The following DPP10 variants were observed in gnomAD, a reference collection of about 807,000 sequenced individuals.
DPP10 encodes the protein dipeptidyl peptidase like 10, also known as inactive dipeptidyl peptidase 10.
DPP10 carries 33 observed loss-of-function variants against 120.9 expected under a neutral mutation model. The ratio of observed to expected loss-of-function variants is 0.27; its 90% CI spans 0.21 to 0.37. The LOEUF (loss-of-function observed/expected upper bound fraction) is 0.37. Among genes scored for constraint, DPP10 ranks in the 10% least tolerant of loss-of-function variants. The pLI, the probability that DPP10 is intolerant of heterozygous loss-of-function variation, is 1.00. For synonymous variants in DPP10, 337 were observed against 326.1 expected (o/e 1.03, Z -0.36); for missense variants, 816 against 942.8 (o/e 0.87, Z 1.76).
In DPP10 at chr2:115,843,863, C is replaced by T. The variant is rs1323597128; in HGVS notation, c.*1518C>T. On this transcript the variant is annotated 3_prime_UTR_variant, in exon 26 of 26. Transcript: ENST00000410059. Reference sequence around the variant, plus strand: ...GCATTTTTGTGGTTTTAAAAAAGTCCTTAGGACAGACTGAATTATCATAAC... The same window carrying T: ...GCATTTTTGTGGTTTTAAAAAAGTCTTTAGGACAGACTGAATTATCATAAC... 1 of 152,512 alleles carries T rather than the reference C, an allele frequency of 6.6e-6. No homozygotes were observed. Among genetic ancestry groups the T allele is most frequent in the Admixed American group, 6.6e-5 (1 of 15,258 alleles). The allele number at this position is 152,512 out of a possible 1,614,324, so 9.4% of individuals were successfully genotyped here.
chr2:114,729,991 G>GA (rs1676735852), intron 1 of DPP10, among the ~76,000 whole-genome samples: 1 of 152,132 alleles, frequency 6.6e-6, no homozygotes, highest in Non-Finnish European at 1.5e-5. Context: ...GAAATCTTCA[G>GA]AAAAATAACT....
intron 1 of DPP10, among the ~76,000 whole-genome samples, chr2:114,847,915 A>G (rs909465334): frequency 6.6e-6 from 1 of 152,226 alleles, no homozygotes; most frequent in Non-Finnish European, 1.5e-5. Context: ...AATAATAACA[A>G]TAATGACATC....
At chr2:115,052,758 C>A (rs1405925755) in intron 1 of DPP10, among the ~76,000 whole-genome samples, 1 of 152,056 alleles carries the variant, frequency 6.6e-6, no homozygotes, top group Non-Finnish European at 1.5e-5. Context: ...TCGAGACCAG[C>A]CTAGCCAAAA....
intron 1 of DPP10, among the ~76,000 whole-genome samples, chr2:114,826,246 A>G (rs1010961231): frequency 6.6e-6 from 1 of 152,208 alleles, no homozygotes; most frequent in Non-Finnish European, 1.5e-5. Context: ...TTTCATAATT[A>G]TATATAATGG....
intron 5 of DPP10, among the ~76,000 whole-genome samples, chr2:115,592,251 C>T (rs770218469): frequency 6.6e-6 from 1 of 152,036 alleles, no homozygotes; most frequent in Admixed American, 6.6e-5. Flanking sequence ...TCAGAGCATG[C>T]CCCACAACAG....
chr2:115,300,808 CTAGTA>C (rs1178153142), intron 1 of DPP10, among the ~76,000 whole-genome samples: 2 of 151,946 alleles, frequency 1.3e-5, no homozygotes, highest in Non-Finnish European at 2.9e-5. Flanking sequence ...AAGTCTTTCT[CTAGTA>C]AATCTGAAGC....
chr2:115,598,476 T>C (rs1252770791), intron 5 of DPP10, among the ~76,000 whole-genome samples: 2 of 151,988 alleles, frequency 1.3e-5, no homozygotes, highest in African/African-American at 4.8e-5. Context: ...GGCTGTTCTA[T>C]GGCTTACAAT....
At chr2:115,576,917 A>G (rs1294953001) in intron 5 of DPP10, among the ~76,000 whole-genome samples, 1 of 152,230 alleles carries the variant, frequency 6.6e-6, no homozygotes, top group East Asian at 1.9e-4. Context: ...TAATAAATTT[A>G]GGGAAAGCAT....
chr2:115,370,975 G>T lies in DPP10; in HGVS notation c.271+27063G>T, dbSNP rs531510354. On this transcript the variant is annotated intron_variant, in intron 3 of 25. Coordinates refer to ENST00000410059, the MANE Select transcript of DPP10 (RefSeq NM_020868.6). ...AAAACAAAATAACTCCCATTTTTCT[G>T]CCCAAAGAGTTGTGAAGGCCTTTGT... Among the ~76,000 whole-genome samples the T allele has an allele frequency of 1.2e-4, 18 of 152,140 alleles. No homozygotes were observed. In the South Asian group the frequency reaches 3.7e-3, roughly 32 times the overall value.
chr2:115,206,581 C>A (rs2056148262), intron 1 of DPP10, among the ~76,000 whole-genome samples: 1 of 152,244 alleles, frequency 6.6e-6, no homozygotes, highest in African/African-American at 2.4e-5. Flanking sequence ...ATTTGTTCTA[C>A]AGAAGACATC....
chr2:114,630,266 G>A (rs370819237), intron 1 of DPP10, among the ~76,000 whole-genome samples: 3 of 152,180 alleles, frequency 2.0e-5, no homozygotes, highest in East Asian at 3.9e-4. Flanking sequence ...AAACTTACTG[G>A]TCGTGACCTC....
intron 1 of DPP10, among the ~76,000 whole-genome samples, chr2:114,453,067 G>C (rs1270327116): frequency 6.6e-6 from 1 of 152,142 alleles, no homozygotes; most frequent in Non-Finnish European, 1.5e-5. Flanking sequence ...GGTGACACAA[G>C]TAAATATTGG....
intron 1 of DPP10, among the ~76,000 whole-genome samples, chr2:114,743,456 T>C (rs1678265945): frequency 6.6e-6 from 1 of 151,316 alleles, no homozygotes; most frequent in Non-Finnish European, 1.5e-5. Flanking sequence ...GTTAAGAATA[T>C]GGATAAAGGC....
intron 1 of DPP10, among the ~76,000 whole-genome samples, chr2:114,663,279 C>T (rs954584368): frequency 5.6e-5 from 8 of 142,256 alleles, no homozygotes; most frequent in African/African-American, 2.0e-4. Context: ...TATACACACA[C>T]ATATATGTAT....
At chr2:115,413,930 G>C (rs866817540) in intron 3 of DPP10, among the ~76,000 whole-genome samples, 1 of 152,000 alleles carries the variant, frequency 6.6e-6, no homozygotes, top group African/African-American at 2.4e-5. Flanking sequence ...TTTTCCACTT[G>C]GTTTTCTCTG....
chr2:115,547,948 G>T lies in DPP10; in HGVS notation c.441+21976G>T, dbSNP rs555156912. 1.7e-4 allele frequency among the ~76,000 whole-genome samples: 26 copies of T among 152,156 alleles called. No homozygotes were observed. In the East Asian group the frequency reaches 4.8e-3, roughly 28 times the overall value. ...GTGTTTAGATATTCAAATGCATTTT[G>T]CTTAATAACCCAATTAGACTTGAAA... On this transcript the variant is annotated intron_variant, in intron 5 of 25. Transcript: ENST00000410059.
intron 1 of DPP10, among the ~76,000 whole-genome samples, chr2:115,121,294 G>A (rs1369044845): frequency 3.9e-5 from 6 of 152,198 alleles, no homozygotes; most frequent in Non-Finnish European, 7.3e-5. Context: ...TTCTTTTCGA[G>A]GGAAGTGATA....
chr2:115,423,122 A>T lies in DPP10; in HGVS notation c.272-76388A>T, dbSNP rs551310087. 2.0e-5 allele frequency among the ~76,000 whole-genome samples: 3 copies of T among 152,190 alleles called. No homozygotes were observed. In the East Asian group the frequency reaches 5.8e-4, roughly 29 times the overall value. On this transcript the variant is annotated intron_variant, in intron 3 of 25. Coordinates refer to ENST00000410059, the MANE Select transcript of DPP10 (RefSeq NM_020868.6). ...TAATATAACATATTTAATATATTTA[A>T]TGTAAAAGAAGTATACTTAATTTTA...
intron 1 of DPP10, among the ~76,000 whole-genome samples, chr2:114,561,052 C>T (rs1212507021): frequency 1.3e-5 from 2 of 152,142 alleles, no homozygotes; most frequent in Non-Finnish European, 2.9e-5. Context: ...CCACAGCACC[C>T]CCTTTCTCCT....
Sources: gnomAD v4.1 joint callset for allele counts (sites outside exome capture counted in the v4.1 genomes callset) on GRCh38, gnomAD v4.1.1 for gene constraint, MANE v1.5 for transcripts, NCBI Gene and HGNC (gene_info 2026-07-23, HGNC 2026-07-21) for gene names.